The following NDUFAF5 variants were observed in gnomAD, a reference collection of about 807,000 sequenced individuals.
The protein encoded by NDUFAF5 is NADH:ubiquinone oxidoreductase complex assembly factor 5.
A neutral mutation model predicts 48.9 loss-of-function variants in NDUFAF5; 34 were observed. That is an observed-to-expected ratio of 0.70 (90% CI 0.53 to 0.93). The LOEUF is 0.93. Ranked by LOEUF, NDUFAF5 falls within the 40% of genes least tolerant of loss-of-function variation. The pLI is 0.00. For missense variants in NDUFAF5, 428 were observed against 427.5 expected (o/e 1.00, Z -0.01); for synonymous variants, 153 against 150.6 (o/e 1.02, Z -0.12).
In NDUFAF5 at chr20:13,820,447, A is replaced by G. The variant is rs1230199661; in HGVS notation, c.*3237A>G. The G allele has an allele frequency of 6.6e-6, 1 of 152,164 alleles. No homozygotes were observed. The highest frequency in any genetic ancestry group is 2.4e-5 in the African/African-American group (1 of 41,404). The allele number at this position is 152,164 out of a possible 1,614,324, so 9.4% of individuals were successfully genotyped here. A position where few individuals can be genotyped will look rare whatever the true frequency, so the allele number is the denominator to read the frequency against. ...AGTGGCTCACACCTGTGATCTCAAC[A>G]CTTTGGGAAGCTGAGACGGGAGGAT... On this transcript the variant is annotated 3_prime_UTR_variant, in exon 11 of 11. Coordinates refer to ENST00000378106, the MANE Select transcript of NDUFAF5 (RefSeq NM_024120.5).
intron 3 of NDUFAF5, 82 bp downstream of exon 3, chr20:13,788,734 T>A (rs1477620028): frequency 1.1e-6 from 1 of 884,984 alleles, no homozygotes; most frequent in African/African-American, 1.7e-5. Context: ...TCAGTTTAGC[T>A]TGCAACATAT....
rs764930005 is a variant in NDUFAF5 at position 13,818,577 on chromosome 20, C to A, written c.*1367C>A. Reference sequence around the variant, plus strand: ...TGGGAGGCTGAGGCAGGCAGGAGTTCAAGGCTGCAGTGAGCTGTCTGTGCC... The same window carrying A: ...TGGGAGGCTGAGGCAGGCAGGAGTTAAAGGCTGCAGTGAGCTGTCTGTGCC... On this transcript the variant is annotated 3_prime_UTR_variant, in exon 11 of 11. Coordinates refer to ENST00000378106, the MANE Select transcript of NDUFAF5 (RefSeq NM_024120.5). 11 of 270,726 alleles carry A rather than the reference C, an allele frequency of 4.1e-5. No individual in the cohort carries two copies. The highest frequency in any genetic ancestry group is 7.2e-5 in the Non-Finnish European group (10 of 139,774). 16.8% of individuals were successfully genotyped at this position (270,726 alleles called of 1,614,324 possible). A position where few individuals can be genotyped will look rare whatever the true frequency, so the allele number is the denominator to read the frequency against.
chr20:13,821,054 A>G lies in NDUFAF5; in HGVS notation c.*3844A>G, dbSNP rs1418233448. ...ATTTTACCATGCTGGTTTAAAAAAC[A>G]TCAATTTGAAAATACTAGAAGGTGG... On this transcript the variant is annotated 3_prime_UTR_variant, in exon 11 of 11. Coordinates refer to ENST00000378106, the MANE Select transcript of NDUFAF5 (RefSeq NM_024120.5). 6.6e-6 allele frequency: 1 copy of G among 152,260 alleles called. No homozygotes were observed. Among genetic ancestry groups the G allele is most frequent in the East Asian group, 1.9e-4 (1 of 5,204 alleles). 9.4% of individuals were successfully genotyped at this position (152,260 alleles called of 1,614,324 possible).
At chr20:13,787,688 C>T (rs1000997843) in intron 2 of NDUFAF5, among the ~76,000 whole-genome samples, 6 of 152,160 alleles carry the variant, frequency 3.9e-5, no homozygotes, top group African/African-American at 1.4e-4. Flanking sequence ...AGCCTCTGTA[C>T]CTAACTGTGC....
Position 13,817,166 on chromosome 20 carries a change from G to A in NDUFAF5, c.994G>A (p.Gly332Arg). Residue 332 changes from glycine to arginine, a missense_variant, in exon 11 of 11, where the codon GGA becomes AGA. Transcript: ENST00000378106. ...GSATVSFGEL[G>R]KINNLMPPGK... Reference sequence around the variant, plus strand: ...CGCAACTGTGTCATTTGGAGAGCTAGGAAAAATAAACAACCTTATGCCACC... The same window carrying A: ...CGCAACTGTGTCATTTGGAGAGCTAAGAAAAATAAACAACCTTATGCCACC... 1 of 1,613,936 alleles carries A rather than the reference G, an allele frequency of 6.2e-7. No homozygotes were observed. The highest frequency in any genetic ancestry group is 8.5e-7 in the Non-Finnish European group (1 of 1,179,946).
chr20:13,808,775 C>G, intron 7 of NDUFAF5, 67 bp from the exon 8 acceptor site: 1 of 1,095,566 alleles, frequency 9.1e-7, no homozygotes, highest in South Asian at 1.3e-5. Context: ...TCTCTGCGGC[C>G]TCTTTTTTAA....
At chr20:13,785,383 C>A in intron 1 of NDUFAF5, 93 bp downstream of exon 1, 1 of 1,113,856 alleles carries the variant, frequency 9.0e-7, no homozygotes, top group Non-Finnish European at 1.3e-6. Context: ...GCTCACCCCA[C>A]CTAGCCGTCT....
chr20:13,791,858 A>G (rs1982330495), intron 3 of NDUFAF5, among the ~76,000 whole-genome samples: 1 of 152,176 alleles, frequency 6.6e-6, no homozygotes, highest in South Asian at 2.1e-4. Context: ...GTGGCCCCAT[A>G]TGAATATGCT....
chr20:13,805,565 A>C (rs1378949969), intron 7 of NDUFAF5, among the ~76,000 whole-genome samples: 1 of 152,158 alleles, frequency 6.6e-6, no homozygotes, highest in Non-Finnish European at 1.5e-5. Flanking sequence ...TTAATAAGAA[A>C]GTTATGAGAA....
In NDUFAF5 at chr20:13,818,859, A is replaced by G. The variant is rs1012859809; in HGVS notation, c.*1649A>G. 2 of 152,390 alleles carry G rather than the reference A, an allele frequency of 1.3e-5. No homozygotes were observed. Among genetic ancestry groups the G allele is most frequent in the Non-Finnish European group, 2.9e-5 (2 of 68,204 alleles). 9.4% of individuals were successfully genotyped at this position (152,390 alleles called of 1,614,324 possible). On this transcript the variant is annotated 3_prime_UTR_variant, in exon 11 of 11. Transcript: ENST00000378106. ...TTCTGTTTGAATGTCTGTCAGGGGT[A>G]TAGAAACTAGGAGGGAGACTTGTAC...
chr20:13,804,151 T>C (rs1245045426), intron 7 of NDUFAF5, among the ~76,000 whole-genome samples: 1 of 152,332 alleles, frequency 6.6e-6, no homozygotes, highest in East Asian at 1.9e-4. Flanking sequence ...TGCCAGTTAA[T>C]GTGCACCTTA....
At position 13,820,737 on chromosome 20, in the gene NDUFAF5, T is replaced by C. The variant is rs1986931157; in HGVS notation, c.*3527T>C. 1 of 152,094 alleles carries C rather than the reference T, an allele frequency of 6.6e-6. No individual in the cohort carries two copies. The highest frequency in any genetic ancestry group is 2.4e-5 in the African/African-American group (1 of 41,412). 9.4% of individuals were successfully genotyped at this position (152,094 alleles called of 1,614,324 possible). A position where few individuals can be genotyped will look rare whatever the true frequency, so the allele number is the denominator to read the frequency against. On this transcript the variant is annotated 3_prime_UTR_variant, in exon 11 of 11. Coordinates refer to ENST00000378106, the MANE Select transcript of NDUFAF5 (RefSeq NM_024120.5). The stretch of plus-strand genomic sequence containing the variant: ...AATTTTTGTATTGATTATGTATTCC[T>C]TAAGTAGGAGTGGAATAAAAGTATT...
At chr20:13,799,182 A>C (rs1399831168) in intron 6 of NDUFAF5, among the ~76,000 whole-genome samples, 2 of 152,184 alleles carry the variant, frequency 1.3e-5, no homozygotes, top group Non-Finnish European at 2.9e-5. Flanking sequence ...GTATTGGGAC[A>C]GTATTTAGGA....
chr20:13,808,949 CAA>C, intron 8 of NDUFAF5, 47 bp downstream of exon 8: 1 of 1,287,864 alleles, frequency 7.8e-7, no homozygotes, highest in Non-Finnish European at 1.1e-6. Context: ...AAAGGTAGGC[CAA>C]AAAAAAAGAA....
Position 13,820,270 on chromosome 20 carries a change from T to C in NDUFAF5, c.*3060T>C, listed in dbSNP as rs965269777. On this transcript the variant is annotated 3_prime_UTR_variant, in exon 11 of 11. Transcript: ENST00000378106. ...ATACATCAAGTATGTGATATGATTG[T>C]AAAAAGTTACAGAAGTGTGTGAGTC... 2.6e-5 allele frequency: 4 copies of C among 152,260 alleles called. No individual in the cohort carries two copies. Among genetic ancestry groups the C allele is most frequent in the African/African-American group, 9.6e-5 (4 of 41,474 alleles). 9.4% of individuals were successfully genotyped at this position (152,260 alleles called of 1,614,324 possible).
chr20:13,793,019 T>G (rs1049127064), intron 3 of NDUFAF5, 161 bp from the exon 4 acceptor site: 4 of 726,340 alleles, frequency 5.5e-6, no homozygotes, highest in African/African-American at 1.8e-5. Flanking sequence ...TAGCAAAGGA[T>G]ATGTGTTATT....
intron 7 of NDUFAF5, 31 bp downstream of exon 7, chr20:13,801,714 T>TA (rs770633444): frequency 1.3e-5 from 20 of 1,571,038 alleles, no homozygotes; most frequent in Admixed American, 6.7e-5. Flanking sequence ...ACCCATAACT[T>TA]ACACAGTTCA....
rs186075488 is a variant in NDUFAF5 at position 13,786,562 on chromosome 20, A to T, written c.223-750A>T. On this transcript the variant is annotated intron_variant, in intron 1 of 10. Transcript: ENST00000378106. ...ATGACGTACAAGGTGGACTCCTGGG[A>T]AAAACATCTACGCTCCCTTCTCCCT... 5.3e-5 allele frequency among the ~76,000 whole-genome samples: 8 copies of T among 152,324 alleles called. No individual in the cohort carries two copies. In the East Asian group the frequency reaches 1.5e-3, roughly 29 times the overall value.
intron 5 of NDUFAF5, among the ~76,000 whole-genome samples, chr20:13,795,173 C>G (rs909068132): frequency 3.9e-5 from 6 of 152,116 alleles, no homozygotes; most frequent in Non-Finnish European, 8.8e-5. Flanking sequence ...CATGCATGAA[C>G]TTCCTAAAGT....
Sources: allele counts gnomAD v4.1 joint callset (sites outside exome capture counted in the v4.1 genomes callset), GRCh38; gene constraint gnomAD v4.1.1; transcripts MANE v1.5; gene names NCBI Gene and HGNC (gene_info 2026-07-23, HGNC 2026-07-21).